Variants in METTL2A observed in about 807,000 individuals in gnomAD.
METTL2A encodes the protein tRNA N(3)-cytidine methyltransferase METTL2A.
In METTL2A, 45 loss-of-function variants were observed where a neutral mutation model predicts 49.4. The observed-to-expected ratio is 0.91, with a 90% CI of 0.72 to 1.17. METTL2A has a LOEUF of 1.17. Among genes scored for constraint, METTL2A ranks in the 50% most tolerant of loss-of-function variants. The probability of loss-of-function intolerance (pLI) is 0.00; values close to 1 mark genes in which losing one functional copy is unlikely to be tolerated. For missense variants in METTL2A, 361 were observed against 462.2 expected (o/e 0.78, Z 2.01); for synonymous variants, 118 against 167.5 (o/e 0.70, Z 2.28).
At chr17:62,434,160 C>G (rs183019112) in intron 4 of METTL2A, among the ~76,000 whole-genome samples, 1 of 152,150 alleles carries the variant, frequency 6.6e-6, no homozygotes, top group Admixed American at 6.6e-5. Flanking sequence ...TGTGCAGTGA[C>G]GGAAATGTTC....
At chr17:62,446,019 G>C (rs981932843) in intron 7 of METTL2A, among the ~76,000 whole-genome samples, 1 of 152,180 alleles carries the variant, frequency 6.6e-6, no homozygotes, top group Non-Finnish European at 1.5e-5. Flanking sequence ...TATTTAGTCA[G>C]TTCACAGAAG....
chr17:62,435,329 A>G lies in METTL2A; in HGVS notation c.669+37A>G, dbSNP rs374250977. ...GGGAAATTACCTATTGGTAATTTCC[A>G]CTGATTAAAGGGAAAAGGTTCTCCT... On this transcript the variant is annotated intron_variant, in intron 5 of 8. Coordinates refer to ENST00000311506, the MANE Select transcript of METTL2A (RefSeq NM_181725.4). The G allele has an allele frequency of 3.1e-6, 5 of 1,613,612 alleles. No homozygotes were observed. In the African/African-American group the frequency reaches 5.3e-5, roughly 17 times the overall value.
chr17:62,441,413 C>A (rs1281242109), intron 6 of METTL2A, among the ~76,000 whole-genome samples: 2 of 152,048 alleles, frequency 1.3e-5, no homozygotes, highest in East Asian at 3.9e-4. Flanking sequence ...TGTCACAGCT[C>A]TTAGGTAATG....
intron 4 of METTL2A, among the ~76,000 whole-genome samples, chr17:62,428,212 A>G (rs1472190621): frequency 6.6e-6 from 1 of 152,228 alleles, no homozygotes; most frequent in Non-Finnish European, 1.5e-5. Context: ...CAACTTTTCC[A>G]TTCTCATGAT....
intron 4 of METTL2A, among the ~76,000 whole-genome samples, chr17:62,431,879 C>T (rs1271650967): frequency 1.3e-5 from 2 of 152,132 alleles, no homozygotes; most frequent in Non-Finnish European, 2.9e-5. Flanking sequence ...CGCCACCACA[C>T]CCAGCTAATT....
chr17:62,444,919 A>G lies in METTL2A; in HGVS notation c.892A>G (p.Met298Val), dbSNP rs2070759166. 1.9e-6 allele frequency: 3 copies of G among 1,613,840 alleles called. No individual in the cohort carries two copies. The highest frequency in any genetic ancestry group is 8.5e-7 in the Non-Finnish European group (1 of 1,179,864). ...MLLRDYGRYD[M>V]AQLRFKKGQC... ...TCTGCGAGATTACGGCCGCTATGAC[A>G]TGGCTCAGCTTCGGTTTAAAAAAGG... The change falls in exon 7 of 9, where the codon ATG becomes GTG. Residue 298 changes from methionine (M) to valine (V), a missense_variant. Transcript: ENST00000311506.
intron 4 of METTL2A, among the ~76,000 whole-genome samples, chr17:62,428,524 C>A (rs1206112857): frequency 1.3e-5 from 2 of 152,222 alleles, no homozygotes; most frequent in Admixed American, 6.5e-5. Context: ...ATCTGGCCCT[C>A]CGTGTTTCTG....
At chr17:62,443,362 A>G (rs780591278) in intron 6 of METTL2A, among the ~76,000 whole-genome samples, 2 of 152,212 alleles carry the variant, frequency 1.3e-5, no homozygotes, top group Admixed American at 6.6e-5. Flanking sequence ...TGGGTGACAG[A>G]GTGAGACCCT....
rs376085509 is a variant in METTL2A at position 62,427,863 on chromosome 17, T to C, written c.608+26T>C. On this transcript the variant is annotated intron_variant, in intron 4 of 8. Coordinates refer to ENST00000311506, the MANE Select transcript of METTL2A (RefSeq NM_181725.4). The stretch of plus-strand genomic sequence containing the variant: ...GTAAGTATGTTGTAAAAGTTTATGA[T>C]AGCAAAGAAGATAAAAGTGAAGGTT... 22 of 1,592,294 alleles carry C rather than the reference T, an allele frequency of 1.4e-5. No homozygotes were observed. The African/African-American group carries it at 2.2e-4, about 16-fold the overall frequency.
intron 4 of METTL2A, among the ~76,000 whole-genome samples, chr17:62,432,554 C>T (rs1470103746): frequency 1.3e-5 from 2 of 152,120 alleles, no homozygotes; most frequent in Non-Finnish European, 2.9e-5. Context: ...AATCCCAGCA[C>T]TTTGGGAGGC....
intron 7 of METTL2A, 83 bp from the exon 8 acceptor site, chr17:62,447,618 G>T: frequency 6.6e-7 from 1 of 1,506,610 alleles, no homozygotes; most frequent in South Asian, 1.2e-5. Flanking sequence ...CCAACAAACT[G>T]ACCTCCCAGT....
rs1281823299 is a variant in METTL2A at position 62,448,823 on chromosome 17, T to A, written c.*94T>A. 12 of 1,535,754 alleles carry A rather than the reference T, an allele frequency of 7.8e-6. No individual in the cohort carries two copies. The highest frequency in any genetic ancestry group is 9.6e-6 in the Non-Finnish European group (11 of 1,141,224). ...CACTGGGCGTGGTGCATGCCTGTAATCCCAGCCACTCAGGAGGCTGAGGCG... is the reference window on the plus strand; with the variant it reads ...CACTGGGCGTGGTGCATGCCTGTAAACCCAGCCACTCAGGAGGCTGAGGCG... On this transcript the variant is annotated 3_prime_UTR_variant, in exon 9 of 9. Transcript: ENST00000311506.
rs2070802640 is a variant in METTL2A, at chr17:62,451,006, C to G, written c.*2277C>G. ...CCAGCCACTAACCATTCATGTTTAC[C>G]CAGTAGTCCCAATAATAGCTTTGTC... On this transcript the variant is annotated 3_prime_UTR_variant, in exon 9 of 9. Coordinates refer to ENST00000311506, the MANE Select transcript of METTL2A (RefSeq NM_181725.4). Among the ~76,000 whole-genome samples, 1 of 151,962 alleles carries G rather than the reference C, an allele frequency of 6.6e-6. No individual in the cohort carries two copies.
chr17:62,437,041 G>A (rs531145294), intron 5 of METTL2A, among the ~76,000 whole-genome samples: 122 of 152,014 alleles, frequency 8.0e-4, no homozygotes, highest in African/African-American at 2.5e-3. Context: ...AGATAAGGAT[G>A]CTGGTTTAAA....
chr17:62,445,413 T>A (rs1478303099), intron 7 of METTL2A, among the ~76,000 whole-genome samples: 1 of 152,166 alleles, frequency 6.6e-6, no homozygotes, highest in African/African-American at 2.4e-5. Flanking sequence ...AGTAGTATAT[T>A]TTTTAAGAAA....
rs761920735 is a variant in METTL2A, at chr17:62,424,236, C to T, written c.128C>T (p.Ser43Leu). 1.9e-6 allele frequency: 3 copies of T among 1,613,986 alleles called. No homozygotes were observed. The highest frequency in any genetic ancestry group is 1.3e-5 in the African/African-American group (1 of 74,914). ...HHNAWDNVEW[S>L]EEQAAAAERK... ...TTTCTCAGGGACAATGTGGAGTGGT[C>T]GGAAGAGCAAGCCGCGGCGGCGGAG... Residue 43 changes from serine to leucine, a missense_variant, in exon 2 of 9, where the codon TCG (serine) becomes TTG (leucine). By Grantham distance (145) the Ser-to-Leu change is moderately radical. This residue lies in a region of METTL2A where 150 missense variants were observed against 170.1 expected (regional missense o/e 0.88). Transcript: ENST00000311506.
rs747671322 is a variant in METTL2A at position 62,424,036 on chromosome 17, G to A, written c.110+24G>A. 11 of 1,610,144 alleles carry A rather than the reference G, an allele frequency of 6.8e-6. No homozygotes were observed. In the Admixed American group the frequency reaches 1.4e-4, roughly 20 times the overall value. ...TGGTAATCACTCTGCCCCTTCGCCC[G>A]GCCTGTCGCTGACCCTCTGTCCCGC... On this transcript the variant is annotated intron_variant, in intron 1 of 8. Transcript: ENST00000311506.
At position 62,453,202 on chromosome 17, in the gene METTL2A, A is replaced by G. The variant is rs924648929; in HGVS notation, c.*4473A>G. On this transcript the variant is annotated 3_prime_UTR_variant, in exon 9 of 9. Coordinates refer to ENST00000311506, the MANE Select transcript of METTL2A (RefSeq NM_181725.4). ...CCTTCTCCTGCCCCTGCTCCCTTTT[A>G]TTCTCTGCCATCTGCTAAGCTCGAC... 2.0e-5 allele frequency among the ~76,000 whole-genome samples: 3 copies of G among 152,054 alleles called. No homozygotes were observed. Among genetic ancestry groups the G allele is most frequent in the African/African-American group, 7.2e-5 (3 of 41,404 alleles).
intron 7 of METTL2A, among the ~76,000 whole-genome samples, chr17:62,447,146 C>T (rs755140024): frequency 2.0e-5 from 3 of 152,130 alleles, no homozygotes; most frequent in Admixed American, 6.6e-5. Context: ...AGGCCAGGCA[C>T]GGTGGCTCAT....
Sources: gnomAD v4.1 joint callset for allele counts (sites outside exome capture counted in the v4.1 genomes callset) on GRCh38, gnomAD v4.1.1 for gene constraint, gnomAD v4.1.1 regional missense constraint, MANE v1.5 for transcripts, NCBI Gene and HGNC (gene_info 2026-07-23, HGNC 2026-07-21) for gene names.